Variants in DAPK1 observed in about 807,000 individuals in gnomAD.
DAPK1 encodes the protein death associated protein kinase 1, also known as death-associated protein kinase 1.
A neutral mutation model predicts 144.9 loss-of-function variants in DAPK1; 56 were observed. The ratio of observed to expected loss-of-function variants is 0.39; its 90% CI spans 0.31 to 0.48. DAPK1 has a LOEUF of 0.48. Among genes scored for constraint, DAPK1 ranks in the 20% least tolerant of loss-of-function variants. DAPK1 has a pLI of 0.95. For synonymous variants in DAPK1, 690 were observed against 749.0 expected (o/e 0.92, Z 1.29); for missense variants, 1,454 against 1,875.4 (o/e 0.78, Z 4.15).
rs182827493 is a variant in DAPK1 at position 87,529,001 on chromosome 9, G to A, written c.62+29862G>A. On this transcript the variant is annotated intron_variant, in intron 2 of 25. Transcript: ENST00000408954. ...GGGAAGAATGCTTCAAGGGAGCCAT[G>A]TGTATGACTCCAGTAAACACACTGT... is the stretch of plus-strand genomic sequence containing the variant. Among the ~76,000 whole-genome samples, 1,040 of 152,214 alleles carry A rather than the reference G, an allele frequency of 6.8e-3. 7 individuals are homozygous for A. Among genetic ancestry groups the A allele is most frequent in the Middle Eastern group, 0.017 (5 of 292 alleles).
chr9:87,556,651 T>C (rs1826729380), intron 2 of DAPK1, among the ~76,000 whole-genome samples: 1 of 152,174 alleles, frequency 6.6e-6, no homozygotes, highest in Admixed American at 6.5e-5. Context: ...GGGTTTGGTC[T>C]CTGAAAGGTG....
intron 17 of DAPK1, among the ~76,000 whole-genome samples, chr9:87,655,338 C>T (rs1451310215): frequency 6.6e-6 from 1 of 152,098 alleles, no homozygotes; most frequent in Non-Finnish European, 1.5e-5. Flanking sequence ...AGAAGGGTTG[C>T]TGTCAGGCTT....
intron 2 of DAPK1, among the ~76,000 whole-genome samples, chr9:87,526,917 A>G (rs1363422183): frequency 1.3e-5 from 2 of 152,320 alleles, no homozygotes; most frequent in East Asian, 3.9e-4. Context: ...CCATCCCCAT[A>G]TGCTGTTTCT....
chr9:87,562,313 C>T (rs1038109105), intron 2 of DAPK1, among the ~76,000 whole-genome samples: 13 of 152,186 alleles, frequency 8.5e-5, no homozygotes, highest in South Asian at 2.1e-4. Context: ...GCCTTGTCCT[C>T]CTGTGTCGTA....
intron 3 of DAPK1, among the ~76,000 whole-genome samples, chr9:87,606,451 CCCTT>C (rs1828717313): frequency 6.6e-6 from 1 of 151,338 alleles, no homozygotes. Flanking sequence ...CTCCCTCCCT[CCCTT>C]CCTTCCTCTC....
chr9:87,649,198 A>C (rs1266097621), intron 15 of DAPK1, among the ~76,000 whole-genome samples: 1 of 152,214 alleles, frequency 6.6e-6, no homozygotes, highest in African/African-American at 2.4e-5. Context: ...TAACTTTCCC[A>C]GGCTCACAAA....
intron 2 of DAPK1, among the ~76,000 whole-genome samples, chr9:87,556,734 G>A (rs933689845): frequency 2.0e-5 from 3 of 152,180 alleles, no homozygotes; most frequent in Admixed American, 1.3e-4. Context: ...AGAACATATC[G>A]AGGCCTGTGT....
chr9:87,524,810 G>C (rs1258705390), intron 2 of DAPK1, among the ~76,000 whole-genome samples: 1 of 152,178 alleles, frequency 6.6e-6, no homozygotes, highest in Non-Finnish European at 1.5e-5. Flanking sequence ...AATATTGTAT[G>C]TTCTCACTCA....
chr9:87,518,099 G>GGTTTTTTTTTT (rs763027342), intron 2 of DAPK1, among the ~76,000 whole-genome samples: 1 of 126,046 alleles, frequency 7.9e-6, no homozygotes, highest in African/African-American at 3.4e-5. Flanking sequence ...TGCCGTTTAT[G>GGTTTTTTTTTT]TTGTTGTTTT....
In DAPK1 at chr9:87,706,831, C is replaced by G. The variant is rs1227561146; in HGVS notation, c.3760C>G (p.Pro1254Ala). 1 of 1,613,634 alleles carries G rather than the reference C, an allele frequency of 6.2e-7. No individual in the cohort carries two copies. The highest frequency in any genetic ancestry group is 8.5e-7 in the Non-Finnish European group (1 of 1,179,964). ...EHHEPVMIYQPRDFFRAQTLK... is the reference protein window; with the variant it reads ...EHHEPVMIYQARDFFRAQTLK... ...CCATGAGCCCGTCATGATCTACCAG[C>G]CACGGGACTTCTTCCGGGCACAGAC... The change falls in exon 26 of 26, where the codon CCA becomes GCA. Residue 1254 changes from proline to alanine, a missense_variant. Transcript: ENST00000408954. The surrounding 1 kb of genome is among the most constrained non-coding windows in gnomAD (Gnocchi z 9.0).
chr9:87,655,623 A>G (rs1830604645), intron 17 of DAPK1, among the ~76,000 whole-genome samples: 1 of 152,202 alleles, frequency 6.6e-6, no homozygotes, highest in African/African-American at 2.4e-5. Context: ...TGTCACCAGT[A>G]TGTGACAGGA....
chr9:87,668,750 G>T, intron 19 of DAPK1, 76 bp downstream of exon 19: 2 of 862,196 alleles, frequency 2.3e-6, no homozygotes, highest in South Asian at 1.3e-5. Context: ...TTCCTTATTT[G>T]AGAATGAGCA....
At chr9:87,688,203 G>C (rs753859563) in intron 21 of DAPK1, among the ~76,000 whole-genome samples, 1 of 149,274 alleles carries the variant, frequency 6.7e-6, no homozygotes, top group Non-Finnish European at 1.5e-5. Context: ...TTGGTTTTCT[G>C]TTCCTGTGTT....
intron 2 of DAPK1, among the ~76,000 whole-genome samples, chr9:87,533,290 T>C (rs1825754665): frequency 6.6e-6 from 1 of 152,260 alleles, no homozygotes; most frequent in South Asian, 2.1e-4. Flanking sequence ...TTACCAGTGC[T>C]TAGGCACCAG....
At chr9:87,620,577 G>GGAGGGA (rs1233424543) in intron 3 of DAPK1, among the ~76,000 whole-genome samples, 1 of 151,408 alleles carries the variant, frequency 6.6e-6, no homozygotes, top group Admixed American at 6.6e-5. Context: ...AGGGGGAGGG[G>GGAGGGA]GAGGGAGAGG....
Position 87,703,237 on chromosome 9 carries a change from G to C in DAPK1, c.3060+20G>C. ...GGCGAGGTGAGCCCCTGGGAGCCCA[G>C]GCAGGGGGCCGTGAGAGGTGCCAGG... On this transcript the variant is annotated intron_variant, in intron 25 of 25. Transcript: ENST00000408954. The C allele has an allele frequency of 6.6e-7, 1 of 1,524,100 alleles. No homozygotes were observed. Among genetic ancestry groups the C allele is most frequent in the South Asian group, 1.1e-5 (1 of 88,856 alleles). The allele number at this position is 1,524,100 out of a possible 1,614,324, so 94.4% of individuals were successfully genotyped here.
intron 3 of DAPK1, among the ~76,000 whole-genome samples, chr9:87,607,323 A>C (rs1587763857): frequency 6.6e-6 from 1 of 152,292 alleles, no homozygotes; most frequent in East Asian, 1.9e-4. Flanking sequence ...GTGCATACAA[A>C]GTGCCTGGAA....
chr9:87,627,433 T>C (rs1393458683), intron 3 of DAPK1, among the ~76,000 whole-genome samples: 1 of 152,176 alleles, frequency 6.6e-6, no homozygotes, highest in Non-Finnish European at 1.5e-5. Flanking sequence ...AGGGTTCTTG[T>C]GCCAAGCTTG....
chr9:87,525,238 C>G, intron 2 of DAPK1: 1 of 1,188,222 alleles, frequency 8.4e-7, no homozygotes, highest in Non-Finnish European at 1.2e-6. Flanking sequence ...CAATGCAGTG[C>G]TTACCTAAAA....
Sources: allele counts gnomAD v4.1 joint callset (sites outside exome capture counted in the v4.1 genomes callset), GRCh38; gene constraint gnomAD v4.1.1; non-coding constraint Gnocchi (gnomAD v3.1); transcripts MANE v1.5; gene names NCBI Gene and HGNC (gene_info 2026-07-23, HGNC 2026-07-21).